TAFA1: variants seen among roughly 807,000 people sequenced by gnomAD.
TAFA1 encodes the protein chemokine-like protein TAFA-1.
In TAFA1, 4 loss-of-function variants were observed where a neutral mutation model predicts 18.5. The observed-to-expected ratio is 0.22, with a 90% confidence interval of 0.11 to 0.49. The LOEUF is 0.49. Among genes scored for constraint, TAFA1 ranks in the 20% least tolerant of loss-of-function variants. TAFA1 has a pLI of 0.98. For missense variants in TAFA1, 147 were observed against 169.0 expected (o/e 0.87, Z 0.72); for synonymous variants, 56 against 55.2 (o/e 1.01, Z -0.06).
At chr3:68,026,917 G>A (rs1229291281) in intron 2 of TAFA1, among the ~76,000 whole-genome samples, 1 of 152,138 alleles carries the variant, frequency 6.6e-6, no homozygotes, top group Non-Finnish European at 1.5e-5. Context: ...AAGCACAGTG[G>A]TTTCTGCTTC....
chr3:68,061,243 T>G lies in TAFA1; in HGVS notation c.118+54499T>G, dbSNP rs1033097388. Among the ~76,000 whole-genome samples the G allele has an allele frequency of 6.6e-5, 10 of 152,296 alleles. No homozygotes were observed. The East Asian group carries it at 1.7e-3, about 26-fold the overall frequency. ...AGAAGACTTTGAAAAGGAGATTTAT[T>G]AAGTGTCAGGTTGAGAGTTGTGTTT... is the stretch of plus-strand genomic sequence containing the variant. On this transcript the variant is annotated intron_variant, in intron 2 of 4. Coordinates refer to ENST00000478136, the MANE Select transcript of TAFA1 (RefSeq NM_213609.4).
Position 68,107,627 on chromosome 3 carries a change from T to A in TAFA1, c.118+100883T>A, listed in dbSNP as rs188831692. Reference sequence around the variant, plus strand: ...GGACCTGAAAGGTACTTCTGAACTGTCAAGCGAGCTATAGTTGCTATTAGT... The same window carrying A: ...GGACCTGAAAGGTACTTCTGAACTGACAAGCGAGCTATAGTTGCTATTAGT... On this transcript the variant is annotated intron_variant, in intron 2 of 4. Coordinates refer to ENST00000478136, the MANE Select transcript of TAFA1 (RefSeq NM_213609.4). 2.4e-4 allele frequency among the ~76,000 whole-genome samples: 36 copies of A among 152,254 alleles called. 1 individual carries two copies. Among genetic ancestry groups the A allele is most frequent in the Admixed American group, 2.4e-3 (36 of 15,272 alleles).
chr3:68,469,199 ATATT>A (rs1050084644), intron 3 of TAFA1, among the ~76,000 whole-genome samples: 9 of 151,478 alleles, frequency 5.9e-5, no homozygotes, highest in Non-Finnish European at 8.8e-5. Context: ...TAAAATAAAA[ATATT>A]TAATAAAATA....
At chr3:68,308,703 A>G (rs2068464535) in intron 2 of TAFA1, among the ~76,000 whole-genome samples, 1 of 152,092 alleles carries the variant, frequency 6.6e-6, no homozygotes, top group African/African-American at 2.4e-5. Context: ...CATCAGGAAT[A>G]TAATGCTCAT....
chr3:68,492,321 T>G (rs1280990850), intron 3 of TAFA1, among the ~76,000 whole-genome samples: 1 of 152,080 alleles, frequency 6.6e-6, no homozygotes, highest in Non-Finnish European at 1.5e-5. Flanking sequence ...GTTTTTTTGT[T>G]TTTTTTTGCA....
intron 3 of TAFA1, among the ~76,000 whole-genome samples, chr3:68,431,034 T>C: frequency 6.6e-6 from 1 of 151,944 alleles, no homozygotes; most frequent in East Asian, 1.9e-4. Flanking sequence ...GTTATTCAAC[T>C]CTAATTTATT....
At chr3:68,474,343 T>C (rs992423818) in intron 3 of TAFA1, among the ~76,000 whole-genome samples, 2 of 152,170 alleles carry the variant, frequency 1.3e-5, no homozygotes, top group African/African-American at 4.8e-5. Context: ...ATGAAACACT[T>C]GTCCATTCAT....
intron 3 of TAFA1, among the ~76,000 whole-genome samples, chr3:68,524,733 C>T (rs1446784140): frequency 2.6e-5 from 4 of 151,718 alleles, no homozygotes; most frequent in South Asian, 4.2e-4. Context: ...TGCAGTGGTG[C>T]GATCTCGGCT....
the TAFA1 span, among the ~76,000 whole-genome samples, chr3:67,995,203 A>AT: frequency 7.2e-5 from 11 of 152,318 alleles, no homozygotes; most frequent in East Asian, 2.1e-3. Flanking sequence ...ATAACAAGAA[A>AT]TTGCAGGTAT....
At chr3:68,459,489 G>A (rs559959192) in intron 3 of TAFA1, among the ~76,000 whole-genome samples, 481 of 57,738 alleles carry the variant, frequency 8.3e-3, no homozygotes, top group Non-Finnish European at 9.4e-3. Context: ...GTTTTTTAAC[G>A]CACTAGAAGA....
chr3:68,166,397 A>G (rs991190499), intron 2 of TAFA1, among the ~76,000 whole-genome samples: 1 of 151,976 alleles, frequency 6.6e-6, no homozygotes, highest in Non-Finnish European at 1.5e-5. Flanking sequence ...TTATATTATC[A>G]TGCGTTTGAG....
At chr3:68,262,623 T>A (rs1252474826) in intron 2 of TAFA1, among the ~76,000 whole-genome samples, 2 of 152,114 alleles carry the variant, frequency 1.3e-5, no homozygotes, top group Non-Finnish European at 2.9e-5. Flanking sequence ...CATTCTTTTT[T>A]ACGGCTGTGT....
At chr3:68,043,421 GGAA>G (rs1259077743) in intron 2 of TAFA1, among the ~76,000 whole-genome samples, 6 of 152,062 alleles carry the variant, frequency 3.9e-5, no homozygotes, top group African/African-American at 1.4e-4. Flanking sequence ...TATAAGGGAT[GGAA>G]GAAGACTTGT....
chr3:68,327,182 C>G (rs1222582055), intron 2 of TAFA1, among the ~76,000 whole-genome samples: 1 of 152,142 alleles, frequency 6.6e-6, no homozygotes, highest in Non-Finnish European at 1.5e-5. Flanking sequence ...TGAGGCCTCC[C>G]CAGCCATGTG....
chr3:68,323,797 T>C (rs2068730134), intron 2 of TAFA1, among the ~76,000 whole-genome samples: 1 of 152,190 alleles, frequency 6.6e-6, no homozygotes, highest in African/African-American at 2.4e-5. Context: ...CTATGAAACA[T>C]ATGGAACTTT....
intron 2 of TAFA1, among the ~76,000 whole-genome samples, chr3:68,269,630 A>T (rs1193545891): frequency 6.6e-6 from 1 of 151,926 alleles, no homozygotes; most frequent in Non-Finnish European, 1.5e-5. Flanking sequence ...GATTAGAGAT[A>T]ATAACTTTTG....
intron 1 of TAFA1, among the ~76,000 whole-genome samples, chr3:68,005,609 G>C (rs974272307): frequency 1.3e-5 from 2 of 152,176 alleles, no homozygotes; most frequent in African/African-American, 4.8e-5. Context: ...TTTTTGAAGG[G>C]TATGATTTGA....
chr3:68,236,428 C>G (rs910889176), intron 2 of TAFA1, among the ~76,000 whole-genome samples: 1 of 152,102 alleles, frequency 6.6e-6, no homozygotes, highest in African/African-American at 2.4e-5. Flanking sequence ...TCATATAGGC[C>G]AAAATACTTG....
intron 2 of TAFA1, among the ~76,000 whole-genome samples, chr3:68,109,577 T>C (rs1024313669): frequency 6.6e-6 from 1 of 152,112 alleles, no homozygotes; most frequent in African/African-American, 2.4e-5. Context: ...GCTGAAATGA[T>C]GAGTGAAGGC....
Sources: allele counts gnomAD v4.1 joint callset (sites outside exome capture counted in the v4.1 genomes callset), GRCh38; gene constraint gnomAD v4.1.1; transcripts MANE v1.5; gene names NCBI Gene and HGNC (gene_info 2026-07-23, HGNC 2026-07-21).